GPHN: variants seen among roughly 807,000 people sequenced by gnomAD.
GPHN encodes the protein gephyrin.
In GPHN, 17 loss-of-function variants were observed where a neutral mutation model predicts 95.5. That is an observed-to-expected ratio of 0.18 (90% confidence interval 0.12 to 0.27). The LOEUF (loss-of-function observed/expected upper bound fraction) is 0.27. Ranked by LOEUF, GPHN falls within the 10% of genes least tolerant of loss-of-function variation. The pLI is 1.00. For synonymous variants in GPHN, 320 were observed against 322.5 expected (o/e 0.99, Z 0.08); for missense variants, 660 against 978.1 (o/e 0.67, Z 4.34).
chr14:66,898,264 T>C (rs1409193305), intron 5 of GPHN, among the ~76,000 whole-genome samples: 1 of 151,904 alleles, frequency 6.6e-6, no homozygotes, highest in Admixed American at 6.6e-5. Context: ...TGATGTAAAG[T>C]CTAAGCACCC....
At chr14:67,619,503 C>T in the GPHN span, among the ~76,000 whole-genome samples, 1 of 152,248 alleles carries the variant, frequency 6.6e-6, no homozygotes, top group Admixed American at 6.5e-5. Flanking sequence ...CTGGCTTTGA[C>T]TAGGCAGGGC....
At chr14:67,214,045 A>G in the GPHN span, among the ~76,000 whole-genome samples, 2 of 152,110 alleles carry the variant, frequency 1.3e-5, no homozygotes, top group South Asian at 4.2e-4. Context: ...GTTTGAGTTC[A>G]TTGTAGATTC....
intron 2 of GPHN, among the ~76,000 whole-genome samples, chr14:66,706,923 G>A (rs2069127539): frequency 1.3e-5 from 2 of 151,924 alleles, no homozygotes; most frequent in South Asian, 4.1e-4. Flanking sequence ...TCTGACAAAG[G>A]TCTAATATCC....
chr14:67,169,091 T>A, intron 21 of GPHN, 55 bp downstream of exon 21: 1 of 1,011,746 alleles, frequency 9.9e-7, no homozygotes, highest in Non-Finnish European at 1.6e-6. Flanking sequence ...CAGTTAGGGA[T>A]ATGATTTCCT....
At chr14:67,597,609 GTTAA>G in the GPHN span, among the ~76,000 whole-genome samples, 8 of 152,148 alleles carry the variant, frequency 5.3e-5, no homozygotes, top group South Asian at 2.1e-4. Flanking sequence ...CTAATTTTGA[GTTAA>G]TTAATTGCAT....
the GPHN span, among the ~76,000 whole-genome samples, chr14:67,460,371 T>C: frequency 6.6e-6 from 1 of 152,140 alleles, no homozygotes; most frequent in Non-Finnish European, 1.5e-5. Context: ...TTATAACACT[T>C]GTCTTGCCTA....
intron 21 of GPHN, among the ~76,000 whole-genome samples, chr14:67,170,982 T>C (rs1056598610): frequency 6.6e-6 from 1 of 152,054 alleles, no homozygotes; most frequent in Admixed American, 6.6e-5. Context: ...GAAGTGGGAG[T>C]CAGTGTTAAA....
chr14:67,019,680 T>C (rs1337300653), intron 9 of GPHN, among the ~76,000 whole-genome samples: 1 of 152,198 alleles, frequency 6.6e-6, no homozygotes, highest in Non-Finnish European at 1.5e-5. Context: ...AAGGATGTTA[T>C]TCACACATTT....
the GPHN span, chr14:67,724,947 T>C: frequency 2.1e-6 from 2 of 944,170 alleles, no homozygotes; most frequent in Non-Finnish European, 3.4e-6. Context: ...ACAGTACTAC[T>C]GTGAAAAGCC....
At chr14:66,605,527 A>G (rs1229620346) in intron 1 of GPHN, among the ~76,000 whole-genome samples, 1 of 116,438 alleles carries the variant, frequency 8.6e-6, no homozygotes, top group Non-Finnish European at 1.7e-5. Context: ...TCCTTTGCCG[A>G]TTTTTTTTTT....
the GPHN span, among the ~76,000 whole-genome samples, chr14:67,350,158 A>G: frequency 6.6e-6 from 1 of 152,236 alleles, no homozygotes; most frequent in Non-Finnish European, 1.5e-5. Context: ...CATGAAGTTC[A>G]TGCCTTTTAA....
chr14:67,196,660 T>G, the GPHN span: 7 of 152,252 alleles, frequency 4.6e-5, no homozygotes, highest in African/African-American at 1.7e-4. Context: ...TCAAATATCC[T>G]CATTGGCCAT....
chr14:67,026,234 T>C (rs1045930183), intron 10 of GPHN, among the ~76,000 whole-genome samples: 1 of 152,210 alleles, frequency 6.6e-6, no homozygotes, highest in Non-Finnish European at 1.5e-5. Context: ...AAATAAATTT[T>C]AAAATGTGGT....
chr14:67,604,708 C>G, the GPHN span, among the ~76,000 whole-genome samples: 1 of 133,584 alleles, frequency 7.5e-6, no homozygotes, highest in Non-Finnish European at 1.6e-5. Flanking sequence ...AAAAAACAAA[C>G]AAAACAACAA....
chr14:67,576,699 G>A, the GPHN span, among the ~76,000 whole-genome samples: 2 of 152,168 alleles, frequency 1.3e-5, no homozygotes, highest in Non-Finnish European at 2.9e-5. The surrounding 1 kb of genome is among the most constrained non-coding windows in gnomAD (Gnocchi z 4.0). Context: ...TCTGCATCTG[G>A]GGGAGTTTAT....
chr14:67,286,874 A>G, the GPHN span, among the ~76,000 whole-genome samples: 2 of 150,228 alleles, frequency 1.3e-5, no homozygotes, highest in South Asian at 2.1e-4. Context: ...AAAAAAAAAA[A>G]GAAAAAAACT....
the GPHN span, chr14:67,223,874 A>C: frequency 1.0e-6 from 1 of 985,800 alleles, no homozygotes; most frequent in South Asian, 4.7e-5. Flanking sequence ...GTACCCCAAG[A>C]AAAGCAAAGA....
chr14:67,541,968 A>T, the GPHN span: 2 of 1,607,310 alleles, frequency 1.2e-6, no homozygotes, highest in East Asian at 4.5e-5. Flanking sequence ...CAGGCCAGCA[A>T]GATAAGGGAG....
At chr14:66,770,040 T>C (rs2059110151) in intron 2 of GPHN, among the ~76,000 whole-genome samples, 1 of 152,234 alleles carries the variant, frequency 6.6e-6, no homozygotes, top group African/African-American at 2.4e-5. Context: ...TGTGAGATGG[T>C]ATCTCATTAT....
Sources: gnomAD v4.1 joint callset for allele counts (sites outside exome capture counted in the v4.1 genomes callset) on GRCh38, gnomAD v4.1.1 for gene constraint, Gnocchi (gnomAD v3.1) non-coding constraint, MANE v1.5 for transcripts, NCBI Gene and HGNC (gene_info 2026-07-23, HGNC 2026-07-21) for gene names.